NKAIN2: variants seen among roughly 807,000 people sequenced by gnomAD.
The protein encoded by NKAIN2 is sodium/potassium transporting ATPase interacting 2, also known as sodium/potassium-transporting ATPase subunit beta-1-interacting protein 2.
NKAIN2 carries 14 observed loss-of-function variants against 32.6 expected under a neutral mutation model. That is an observed-to-expected ratio of 0.43 (90% CI 0.28 to 0.67). The LOEUF is 0.67. NKAIN2 is among the 30% of genes least tolerant of loss of function. NKAIN2 has a pLI of 0.17. For synonymous variants in NKAIN2, 80 were observed against 87.2 expected (o/e 0.92, Z 0.46); for missense variants, 198 against 258.3 (o/e 0.77, Z 1.60).
At chr6:124,318,311 T>C (rs1019424246) in intron 2 of NKAIN2, among the ~76,000 whole-genome samples, 3 of 152,048 alleles carry the variant, frequency 2.0e-5, no homozygotes, top group African/African-American at 7.2e-5. Flanking sequence ...ACACTTTGCC[T>C]CAGCTACTGA....
intron 1 of NKAIN2, among the ~76,000 whole-genome samples, chr6:123,805,108 G>A (rs1354978534): frequency 6.6e-6 from 1 of 152,200 alleles, no homozygotes; most frequent in Non-Finnish European, 1.5e-5. Context: ...AGGAGGGTCT[G>A]AGTAGAGAGT....
chr6:124,184,580 C>T (rs948692771), intron 1 of NKAIN2, among the ~76,000 whole-genome samples: 2 of 152,074 alleles, frequency 1.3e-5, no homozygotes, highest in African/African-American at 4.8e-5. Context: ...TGACTGCCCT[C>T]CCAGGGAACA....
At chr6:124,813,552 C>G (rs1781011154) in intron 5 of NKAIN2, among the ~76,000 whole-genome samples, 1 of 152,120 alleles carries the variant, frequency 6.6e-6, no homozygotes, top group African/African-American at 2.4e-5. Context: ...TGGCATCAGT[C>G]AAATGCAGAA....
rs1406918968 is a variant in NKAIN2, at chr6:124,182,835, CAGAT to C, written c.55-100168_55-100165del. ...AAATATTGGGAAAATGTAGCTCAGA[CAGAT>C]ATATATATAGGCAAACATACAGATG... On this transcript the variant is annotated intron_variant, in intron 1 of 6. Transcript: ENST00000368417. 3.9e-5 allele frequency among the ~76,000 whole-genome samples: 6 copies of C among 152,170 alleles called. No individual in the cohort carries two copies. In the East Asian group the frequency reaches 9.7e-4, roughly 25 times the overall value.
At chr6:124,623,813 TAGA>T (rs770840386) in intron 3 of NKAIN2, among the ~76,000 whole-genome samples, 2 of 152,208 alleles carry the variant, frequency 1.3e-5, no homozygotes, top group African/African-American at 2.4e-5. Flanking sequence ...CTTCCTGATG[TAGA>T]AGGAGAGATG....
At chr6:124,153,128 T>C (rs943849261) in intron 1 of NKAIN2, among the ~76,000 whole-genome samples, 24 of 151,842 alleles carry the variant, frequency 1.6e-4, no homozygotes, top group Admixed American at 3.3e-4. Context: ...TTTGTATATT[T>C]CAAAATAGCT....
At chr6:124,270,423 A>G (rs548908694) in intron 1 of NKAIN2, among the ~76,000 whole-genome samples, 1 of 152,200 alleles carries the variant, frequency 6.6e-6, no homozygotes, top group Admixed American at 6.5e-5. Flanking sequence ...TTCAGAAAAA[A>G]AAAATCTGTA....
intron 1 of NKAIN2, among the ~76,000 whole-genome samples, chr6:124,183,383 A>T (rs1358694208): frequency 1.3e-5 from 2 of 152,130 alleles, no homozygotes; most frequent in Non-Finnish European, 2.9e-5. Context: ...ATAATTTATG[A>T]TGAACAAGCT....
chr6:124,398,252 C>CAAAAAAAAAAAAAAAAAAAAAAA (rs869039720), intron 3 of NKAIN2, among the ~76,000 whole-genome samples: 52 of 69,058 alleles, frequency 7.5e-4, no homozygotes, highest in Non-Finnish European at 9.4e-4. Flanking sequence ...GACTGCATCT[C>CAAAAAAAAAAAAAAAAAAAAAAA]AAAAAAAAAA....
chr6:123,942,886 GT>G (rs769836736), intron 1 of NKAIN2, among the ~76,000 whole-genome samples: 2 of 152,010 alleles, frequency 1.3e-5, no homozygotes, highest in Non-Finnish European at 2.9e-5. Context: ...AGTTCATCCT[GT>G]AGGAGTGCTC....
At chr6:124,028,724 T>C (rs540102976) in intron 1 of NKAIN2, among the ~76,000 whole-genome samples, 14 of 143,146 alleles carry the variant, frequency 9.8e-5, no homozygotes, top group African/African-American at 3.7e-4. Context: ...TACGTGTATA[T>C]ACGTGTATAC....
chr6:124,543,649 C>A (rs372793561), intron 3 of NKAIN2, among the ~76,000 whole-genome samples: 169 of 151,930 alleles, frequency 1.1e-3, no homozygotes, highest in African/African-American at 3.0e-3. Flanking sequence ...TACACACACA[C>A]AAAAAAAGCA....
chr6:124,460,108 A>G (rs74436595), intron 3 of NKAIN2, among the ~76,000 whole-genome samples: 1,606 of 151,832 alleles, frequency 0.011, 72 homozygotes, highest in East Asian at 0.1. Context: ...CAAAATCACT[A>G]CATTACTACA....
At chr6:124,438,164 GAGAA>G (rs1176535081) in intron 3 of NKAIN2, among the ~76,000 whole-genome samples, 2 of 152,082 alleles carry the variant, frequency 1.3e-5, no homozygotes, top group African/African-American at 4.8e-5. Context: ...TTTGTAATCT[GAGAA>G]AGAAAACCAA....
At chr6:124,130,668 A>C (rs1290070237) in intron 1 of NKAIN2, among the ~76,000 whole-genome samples, 1 of 151,444 alleles carries the variant, frequency 6.6e-6, no homozygotes, top group African/African-American at 2.4e-5. Flanking sequence ...AATACTTAAG[A>C]TCGATCTTCA....
chr6:124,105,837 C>A lies in NKAIN2; in HGVS notation c.55-177168C>A, dbSNP rs546902373. 4.6e-5 allele frequency among the ~76,000 whole-genome samples: 7 copies of A among 152,250 alleles called. No individual in the cohort carries two copies. In the East Asian group the frequency reaches 1.4e-3, roughly 29 times the overall value. On this transcript the variant is annotated intron_variant, in intron 1 of 6. Transcript: ENST00000368417. ...CAGAAAAACATAATCGTGCTACTTC[C>A]TTTGCTATTACATATAAGTAACAAT...
chr6:124,706,742 T>A (rs374942391), intron 4 of NKAIN2, among the ~76,000 whole-genome samples: 1 of 152,282 alleles, frequency 6.6e-6, no homozygotes, highest in Admixed American at 6.5e-5. Context: ...TTGACTCCAC[T>A]GCTTAATCTG....
chr6:124,631,734 T>G (rs1244596607), intron 3 of NKAIN2, among the ~76,000 whole-genome samples: 1 of 152,162 alleles, frequency 6.6e-6, no homozygotes, highest in Non-Finnish European at 1.5e-5. Flanking sequence ...AGACTTTTGA[T>G]GTCTCTTTAA....
chr6:124,796,092 G>A (rs1779984677), intron 5 of NKAIN2, among the ~76,000 whole-genome samples: 1 of 151,974 alleles, frequency 6.6e-6, no homozygotes, highest in Non-Finnish European at 1.5e-5. Flanking sequence ...ACCTACCAGG[G>A]GATGACAGCA....
Sources: allele counts gnomAD v4.1 joint callset (sites outside exome capture counted in the v4.1 genomes callset), GRCh38; gene constraint gnomAD v4.1.1; transcripts MANE v1.5; gene names NCBI Gene and HGNC (gene_info 2026-07-23, HGNC 2026-07-21).